CACNA2D2: variants seen among roughly 807,000 people sequenced by gnomAD.
The protein encoded by CACNA2D2 is voltage-dependent calcium channel subunit alpha-2/delta-2.
A neutral mutation model predicts 166.4 loss-of-function variants in CACNA2D2; 48 were observed. The ratio of observed to expected loss-of-function variants is 0.29; its 90% CI spans 0.23 to 0.37. CACNA2D2 has a LOEUF of 0.37. Ranked by LOEUF, CACNA2D2 falls within the 10% of genes least tolerant of loss-of-function variation. The pLI, the probability that CACNA2D2 is intolerant of heterozygous loss-of-function variation, is 1.00. For missense variants in CACNA2D2, 1,122 were observed against 1,433.0 expected, an observed-to-expected ratio of 0.78 and a Z score of 3.50; for synonymous variants, 561 against 573.7, an observed-to-expected ratio of 0.98 and a Z score of 0.32.
At chr3:50,485,355 T>A (rs766471052) in intron 1 of CACNA2D2, among the ~76,000 whole-genome samples, 4 of 152,212 alleles carry the variant, frequency 2.6e-5, no homozygotes, top group Non-Finnish European at 5.9e-5. Flanking sequence ...CTGACAAAAC[T>A]GAGCCACCCT....
intron 3 of CACNA2D2, among the ~76,000 whole-genome samples, chr3:50,409,141 G>A (rs973920063): frequency 3.3e-5 from 5 of 152,158 alleles, no homozygotes; most frequent in African/African-American, 1.2e-4. Context: ...TTTTCTCCCC[G>A]CAAAATGGGA....
intron 2 of CACNA2D2, among the ~76,000 whole-genome samples, chr3:50,455,696 G>C (rs1709328404): frequency 6.6e-6 from 1 of 152,080 alleles, no homozygotes; most frequent in African/African-American, 2.4e-5. Context: ...ACAGCCCCCA[G>C]ATGGTGACAC....
intron 1 of CACNA2D2, among the ~76,000 whole-genome samples, chr3:50,478,618 C>T (rs987042921): frequency 1.3e-5 from 2 of 152,236 alleles, no homozygotes; most frequent in Non-Finnish European, 2.9e-5. Context: ...CAAACATTAT[C>T]ATCCCACCTT....
chr3:50,485,516 T>C (rs1698242316), intron 1 of CACNA2D2, among the ~76,000 whole-genome samples: 1 of 152,372 alleles, frequency 6.6e-6, no homozygotes, highest in Non-Finnish European at 1.5e-5. Context: ...ATTGAGTAAA[T>C]AATCATTATA....
intron 1 of CACNA2D2, among the ~76,000 whole-genome samples, chr3:50,481,348 G>C (rs543120900): frequency 1.3e-5 from 2 of 152,266 alleles, no homozygotes; most frequent in South Asian, 4.1e-4. Context: ...GGCATTTTTT[G>C]TCATCAAAGC....
rs755918838 is a variant in CACNA2D2 at position 50,365,023 on chromosome 3, GGC to G, written c.3208+50_3208+51del. 1 of 1,602,126 alleles carries G rather than the reference GGC, an allele frequency of 6.2e-7. No individual in the cohort carries two copies. On this transcript the variant is annotated intron_variant, in intron 36 of 37. Transcript: ENST00000424201. The surrounding 1 kb of genome is among the most constrained non-coding windows in gnomAD (Gnocchi z 4.5). ...CGGACGGCGGCGGCGGCACGGAGGG[GGC>G]GCGCGGGGCAGAGGGGGAGCGGGCG... is the stretch of plus-strand genomic sequence containing the variant.
intron 3 of CACNA2D2, among the ~76,000 whole-genome samples, chr3:50,399,584 G>T (rs1706341203): frequency 6.6e-6 from 1 of 152,136 alleles, no homozygotes; most frequent in African/African-American, 2.4e-5. Context: ...TACCCTGGGT[G>T]AGGGCTTCAC....
chr3:50,400,771 C>T (rs986253759), intron 3 of CACNA2D2, among the ~76,000 whole-genome samples: 2 of 152,212 alleles, frequency 1.3e-5, no homozygotes, highest in African/African-American at 4.8e-5. Context: ...CGCCCCTTGG[C>T]GCATCTACGC....
At chr3:50,500,449 C>G (rs976630472) in intron 1 of CACNA2D2, among the ~76,000 whole-genome samples, 6 of 151,946 alleles carry the variant, frequency 3.9e-5, no homozygotes, top group Non-Finnish European at 7.4e-5. Context: ...ACAAAAGAGG[C>G]GGGCAGGGAA....
chr3:50,463,419 C>T (rs1471808617), intron 2 of CACNA2D2, among the ~76,000 whole-genome samples: 2 of 152,220 alleles, frequency 1.3e-5, no homozygotes, highest in Non-Finnish European at 2.9e-5. Context: ...CCACCTCAGC[C>T]TCCCCAGTGG....
chr3:50,423,436 C>T (rs895772198), intron 3 of CACNA2D2, among the ~76,000 whole-genome samples: 1 of 152,228 alleles, frequency 6.6e-6, no homozygotes, highest in Non-Finnish European at 1.5e-5. Context: ...GCCTGCCCTG[C>T]TGACCTTTTC....
In CACNA2D2 at chr3:50,476,099, C is replaced by A; in HGVS notation, c.288+19G>T. On this transcript the variant is annotated intron_variant, in intron 2 of 37. Coordinates refer to ENST00000424201, the MANE Select transcript of CACNA2D2 (RefSeq NM_006030.4). ...TGGAAGAGGGTCCCTGAAGAGACAGCAAGTGGCACCGGGCTCACCTCACGG... is the reference window on the plus strand; with the variant it reads ...TGGAAGAGGGTCCCTGAAGAGACAGAAAGTGGCACCGGGCTCACCTCACGG... 6.3e-7 allele frequency: 1 copy of A among 1,576,604 alleles called. No individual in the cohort carries two copies. The highest frequency in any genetic ancestry group is 8.6e-7 in the Non-Finnish European group (1 of 1,158,152).
Position 50,367,188 on chromosome 3 carries a change from C to G in CACNA2D2, c.2402-79G>C, listed in dbSNP as rs1704355329. On this transcript the variant is annotated intron_variant, in intron 27 of 37. Coordinates refer to ENST00000424201, the MANE Select transcript of CACNA2D2 (RefSeq NM_006030.4). The surrounding 1 kb of genome is among the most constrained non-coding windows in gnomAD (Gnocchi z 6.5). ...TCTATGCTGGGTCCTACAAACCCAG[C>G]AGTCCAATCCCGGGATGACTCCAGC... 1.7e-6 allele frequency: 2 copies of G among 1,167,456 alleles called. No homozygotes were observed. The highest frequency in any genetic ancestry group is 1.9e-5 in the Admixed American group (1 of 52,066). 72.3% of individuals were successfully genotyped at this position (1,167,456 alleles called of 1,614,324 possible).
chr3:50,494,002 G>A (rs1051186737), intron 1 of CACNA2D2, among the ~76,000 whole-genome samples: 2 of 152,230 alleles, frequency 1.3e-5, no homozygotes, highest in Non-Finnish European at 2.9e-5. Flanking sequence ...GGCCTCAGGG[G>A]CTAGCCAGGG....
Position 50,365,995 on chromosome 3 carries a change from A to G in CACNA2D2, c.2862+16T>C. ...AGTCCCCCCCATCTCCAGTCCAGGC[A>G]TCTCTGGGGACTCACCACAAAGACA... On this transcript the variant is annotated intron_variant, in intron 32 of 37. Transcript: ENST00000424201. This position sits in a 1 kb window ranked among gnomAD's most constrained non-coding sequence, Gnocchi z 4.5. The G allele has an allele frequency of 6.2e-7, 1 of 1,611,356 alleles. No individual in the cohort carries two copies. The highest frequency in any genetic ancestry group is 8.5e-7 in the Non-Finnish European group (1 of 1,178,896).
At position 50,451,028 on chromosome 3, in the gene CACNA2D2, ACCTCTGTAGGGGCT is replaced by A. The variant is rs1247545425; in HGVS notation, c.289-16613_289-16600del. ...AGGCCTCAAAAGTGACCAGTCCATG[ACCTCTGTAGGGGCT>A]CCTCATCCACCCCAATGGCCCTTAG... On this transcript the variant is annotated intron_variant, in intron 2 of 37. Coordinates refer to ENST00000424201, the MANE Select transcript of CACNA2D2 (RefSeq NM_006030.4). 3.3e-5 allele frequency among the ~76,000 whole-genome samples: 5 copies of A among 151,844 alleles called. No individual in the cohort carries two copies. The South Asian group carries it at 1.0e-3, about 32-fold the overall frequency.
At chr3:50,383,029 T>C (rs1056863362) in intron 6 of CACNA2D2, among the ~76,000 whole-genome samples, 2 of 152,246 alleles carry the variant, frequency 1.3e-5, no homozygotes, top group Non-Finnish European at 2.9e-5. Flanking sequence ...AAGGGGACCA[T>C]GCCCCCTTAG....
chr3:50,397,112 G>A (rs1706199612), intron 3 of CACNA2D2, among the ~76,000 whole-genome samples: 1 of 152,206 alleles, frequency 6.6e-6, no homozygotes, highest in African/African-American at 2.4e-5. Flanking sequence ...GAGCCTAGCA[G>A]ACAGGGCAAG....
chr3:50,486,967 A>G (rs1698311109), intron 1 of CACNA2D2, among the ~76,000 whole-genome samples: 1 of 152,234 alleles, frequency 6.6e-6, no homozygotes, highest in South Asian at 2.1e-4. Flanking sequence ...GGGAAAGGCA[A>G]TGCTGACGCG....
Sources: allele counts gnomAD v4.1 joint callset (sites outside exome capture counted in the v4.1 genomes callset), GRCh38; gene constraint gnomAD v4.1.1; non-coding constraint Gnocchi (gnomAD v3.1); transcripts MANE v1.5; gene names NCBI Gene and HGNC (gene_info 2026-07-23, HGNC 2026-07-21).